Variants in SWT1 observed in about 807,000 individuals in gnomAD.
SWT1 encodes transcriptional protein SWT1.
In SWT1, 33 loss-of-function variants were observed where a neutral mutation model predicts 107.3. The observed-to-expected ratio is 0.31, with a 90% CI of 0.23 to 0.41. The LOEUF is 0.41. SWT1 is among the 10% of genes least tolerant of loss of function. The pLI is 1.00. For missense variants in SWT1, 898 were observed against 1,028.9 expected (o/e 0.87, Z 1.74); for synonymous variants, 345 against 348.3 (o/e 0.99, Z 0.11).
intron 14 of SWT1, among the ~76,000 whole-genome samples, chr1:185,220,976 A>G (rs767456847): frequency 7.9e-5 from 12 of 152,182 alleles, no homozygotes; most frequent in Non-Finnish European, 1.6e-4. Context: ...TTACTGAGTA[A>G]AACTGTATAC....
rs1158454075 is a variant in SWT1 at position 185,213,675 on chromosome 1, G to A, written c.1973-832G>A. Among the ~76,000 whole-genome samples, 3 of 152,112 alleles carry A rather than the reference G, an allele frequency of 2.0e-5. No individual in the cohort carries two copies. The South Asian group carries it at 6.3e-4, about 32-fold the overall frequency. On this transcript the variant is annotated intron_variant, in intron 13 of 18. Coordinates refer to ENST00000367500, the MANE Select transcript of SWT1 (RefSeq NM_017673.7). ...CAAAAAGTAAACAACAGTATAGCAT[G>A]GTTATTTTGAAAACTGTTAGGTAGC...
chr1:185,263,676 T>C (rs1663186514), intron 16 of SWT1: 1 of 152,254 alleles, frequency 6.6e-6, no homozygotes, highest in African/African-American at 2.4e-5. Flanking sequence ...GATTTTCAGA[T>C]ATTTCCAGTC....
chr1:185,162,262 G>A (rs1174631047), intron 2 of SWT1, among the ~76,000 whole-genome samples: 1 of 152,136 alleles, frequency 6.6e-6, no homozygotes, highest in Non-Finnish European at 1.5e-5. Flanking sequence ...AACTCCTATA[G>A]CAGTGGTTTC....
intron 9 of SWT1, among the ~76,000 whole-genome samples, chr1:185,187,711 T>G (rs912332349): frequency 6.6e-6 from 1 of 151,926 alleles, no homozygotes; most frequent in East Asian, 1.9e-4. Flanking sequence ...TGAGATGGAG[T>G]TTTGCTCTTG....
chr1:185,285,158 C>A (rs1017683022), intron 18 of SWT1, among the ~76,000 whole-genome samples: 7 of 152,140 alleles, frequency 4.6e-5, no homozygotes, highest in Non-Finnish European at 7.3e-5. Context: ...CCTCTTCCTC[C>A]CCGTGGGCCC....
At chr1:185,237,674 G>A (rs1660988568) in intron 16 of SWT1, among the ~76,000 whole-genome samples, 1 of 151,876 alleles carries the variant, frequency 6.6e-6, no homozygotes, top group African/African-American at 2.4e-5. Flanking sequence ...TTCTGCACAT[G>A]TACCCCAGAA....
intron 18 of SWT1, among the ~76,000 whole-genome samples, chr1:185,283,731 T>C (rs1336159867): frequency 6.6e-6 from 1 of 152,224 alleles, no homozygotes; most frequent in Admixed American, 6.5e-5. Context: ...TGTATACATG[T>C]GACCTTTGTA....
intron 18 of SWT1, among the ~76,000 whole-genome samples, chr1:185,282,053 CT>C (rs1664659491): frequency 6.6e-6 from 1 of 152,154 alleles, no homozygotes; most frequent in Non-Finnish European, 1.5e-5. Context: ...TCAGCTCTGG[CT>C]TCAGATTGTG....
At chr1:185,224,494 T>A (rs1275223425) in intron 15 of SWT1, among the ~76,000 whole-genome samples, 2 of 152,000 alleles carry the variant, frequency 1.3e-5, no homozygotes, top group Admixed American at 6.6e-5. Context: ...AATTTATGAT[T>A]TTTTTTTGTT....
intron 18 of SWT1, among the ~76,000 whole-genome samples, chr1:185,287,376 T>C (rs1487037749): frequency 1.3e-5 from 2 of 152,144 alleles, no homozygotes; most frequent in Non-Finnish European, 2.9e-5. Flanking sequence ...AGAAGCAACC[T>C]CCAGTTTTGA....
intron 16 of SWT1, among the ~76,000 whole-genome samples, chr1:185,248,351 G>A (rs1477938797): frequency 6.6e-6 from 1 of 152,052 alleles, no homozygotes; most frequent in African/African-American, 2.4e-5. Context: ...TAAATACATG[G>A]ATTTTCAGAG....
At chr1:185,285,594 A>G (rs1197918104) in intron 18 of SWT1, among the ~76,000 whole-genome samples, 3 of 152,198 alleles carry the variant, frequency 2.0e-5, no homozygotes, top group Admixed American at 1.3e-4. Flanking sequence ...AAGACTACCT[A>G]AGAATCCATT....
intron 12 of SWT1, 44 bp downstream of exon 12, chr1:185,204,907 C>T: frequency 8.3e-7 from 1 of 1,208,128 alleles, no homozygotes. Flanking sequence ...TTTTTTATTG[C>T]TGAAGATTTG....
chr1:185,257,510 A>C (rs1191721934), intron 16 of SWT1, among the ~76,000 whole-genome samples: 1 of 152,160 alleles, frequency 6.6e-6, no homozygotes, highest in Non-Finnish European at 1.5e-5. Context: ...CCGGTCGGAA[A>C]AGCGCAGTAT....
chr1:185,183,671 C>T (rs188135464), intron 7 of SWT1, among the ~76,000 whole-genome samples: 201 of 152,226 alleles, frequency 1.3e-3, no homozygotes, highest in African/African-American at 4.5e-3. Flanking sequence ...GCACAACTAC[C>T]GGTGATCCAT....
intron 16 of SWT1, among the ~76,000 whole-genome samples, chr1:185,233,228 G>A (rs1047141324): frequency 2.6e-5 from 4 of 152,016 alleles, no homozygotes; most frequent in Non-Finnish European, 4.4e-5. Flanking sequence ...TAAAAAAATA[G>A]GAATGATCTT....
intron 16 of SWT1, among the ~76,000 whole-genome samples, chr1:185,270,878 T>C (rs907731250): frequency 2.0e-5 from 3 of 152,238 alleles, no homozygotes; most frequent in Admixed American, 6.5e-5. Flanking sequence ...TATTAGGATA[T>C]CTTTTAAGTG....
chr1:185,269,380 T>G (rs75717898), intron 16 of SWT1, among the ~76,000 whole-genome samples: 7,872 of 151,384 alleles, frequency 0.052, 369 homozygotes, highest in Non-Finnish European at 0.068. Flanking sequence ...TTTGTTTTTT[T>G]TTTTTTTTGT....
intron 11 of SWT1, among the ~76,000 whole-genome samples, chr1:185,203,759 C>CT (rs971764990): frequency 3.4e-4 from 52 of 152,108 alleles, no homozygotes; most frequent in African/African-American, 1.3e-3. Context: ...CCTTTCCCCT[C>CT]TTTGGGGAAA....
Sources: gnomAD v4.1 joint callset for allele counts (sites outside exome capture counted in the v4.1 genomes callset) on GRCh38, gnomAD v4.1.1 for gene constraint, MANE v1.5 for transcripts, NCBI Gene and HGNC (gene_info 2026-07-23, HGNC 2026-07-21) for gene names.